Variants in TUBGCP5 observed in about 807,000 individuals in gnomAD.
The protein encoded by TUBGCP5 is tubulin gamma complex component 5.
A neutral mutation model predicts 134.7 loss-of-function variants in TUBGCP5; 98 were observed. The ratio of observed to expected loss-of-function variants is 0.73; its 90% CI spans 0.62 to 0.86. The LOEUF is 0.86. Ranked by LOEUF, TUBGCP5 falls within the 40% of genes least tolerant of loss-of-function variation. The pLI is 0.00. For missense variants in TUBGCP5, 1,150 were observed against 1,244.8 expected (o/e 0.92, Z 1.15); for synonymous variants, 456 against 431.4 (o/e 1.06, Z -0.71).
downstream of TUBGCP5, among the ~76,000 whole-genome samples, chr15:22,995,876 G>A (rs940141156): frequency 1.3e-5 from 2 of 152,128 alleles, no homozygotes; most frequent in Non-Finnish European, 2.9e-5. Flanking sequence ...CATGTAAATG[G>A]AATAATAACG....
chr15:23,005,974 T>C (rs2064690941), intron 18 of TUBGCP5, 78 bp downstream of exon 18: 3 of 1,433,878 alleles, frequency 2.1e-6, no homozygotes, highest in Non-Finnish European at 2.8e-6. Context: ...CCCGTATGCT[T>C]CCCTTTCCCA....
At chr15:22,992,302 C>T (rs531323141) in intron 23 of TUBGCP5, among the ~76,000 whole-genome samples, 37 of 152,208 alleles carry the variant, frequency 2.4e-4, no homozygotes, top group Admixed American at 1.5e-3. Context: ...CAAGAACTGA[C>T]GCAGGTTTAG....
chr15:23,000,121 G>A (rs1355798904), intron 22 of TUBGCP5, among the ~76,000 whole-genome samples: 2 of 152,046 alleles, frequency 1.3e-5, no homozygotes, highest in Admixed American at 1.3e-4. Context: ...ATGTAGGCCA[G>A]GCTGGTCTTC....
chr15:23,035,848 A>G (rs192989054), intron 3 of TUBGCP5, among the ~76,000 whole-genome samples: 75 of 152,332 alleles, frequency 4.9e-4, no homozygotes, highest in Non-Finnish European at 1.9e-4. Context: ...GATTCCCTCA[A>G]CAAACATGCA....
At chr15:22,994,610 A>G (rs144353928), downstream of TUBGCP5, among the ~76,000 whole-genome samples, 262 of 152,228 alleles carry the variant, frequency 1.7e-3, 3 homozygotes, top group African/African-American at 6.0e-3. Flanking sequence ...TCACCAGTTG[A>G]TGGTCATGTG....
chr15:22,998,904 A>T (rs1164208073), downstream of TUBGCP5, among the ~76,000 whole-genome samples: 1 of 152,174 alleles, frequency 6.6e-6, no homozygotes, highest in African/African-American at 2.4e-5. Context: ...GGGGTGAGCC[A>T]CCGTGCCCAG....
In TUBGCP5 at chr15:23,001,563, G is replaced by A. The variant is rs201261977; in HGVS notation, c.2928-894C>T. ...TCTCCATGTTGGTCAGGCTGGTCTCGAACTCCTGACCTCAGGAGATCCGCC... is the reference window on the plus strand; with the variant it reads ...TCTCCATGTTGGTCAGGCTGGTCTCAAACTCCTGACCTCAGGAGATCCGCC... On this transcript the variant is annotated intron_variant, in intron 21 of 22. Coordinates refer to ENST00000615383, the MANE Select transcript of TUBGCP5 (RefSeq NM_052903.6). Among the ~76,000 whole-genome samples, 24 of 151,890 alleles carry A rather than the reference G, an allele frequency of 1.6e-4. No homozygotes were observed. In the East Asian group the frequency reaches 1.9e-3, roughly 12 times the overall value.
At chr15:23,000,408 T>TA in intron 22 of TUBGCP5, 161 bp downstream of exon 22, 1 of 1,408,364 alleles carries the variant, frequency 7.1e-7, no homozygotes, top group Non-Finnish European at 9.2e-7. Context: ...CCGTAATGCT[T>TA]AAAAAGCAAT....
chr15:23,006,760 C>G (rs992070780), intron 16 of TUBGCP5, among the ~76,000 whole-genome samples: 2 of 152,072 alleles, frequency 1.3e-5, no homozygotes, highest in Non-Finnish European at 2.9e-5. Flanking sequence ...AGAGCCCCAT[C>G]GAGATGGGAT....
chr15:22,988,694 T>C (rs1443339514), intron 23 of TUBGCP5, among the ~76,000 whole-genome samples: 286 of 147,928 alleles, frequency 1.9e-3, no homozygotes, highest in Middle Eastern at 3.5e-3. Context: ...CGAGATCGCG[T>C]GACTGCACTC....
At chr15:22,997,178 T>G (rs1402663393), downstream of TUBGCP5, among the ~76,000 whole-genome samples, 1 of 151,678 alleles carries the variant, frequency 6.6e-6, no homozygotes, top group Non-Finnish European at 1.5e-5. Flanking sequence ...CACCAATAAT[T>G]CCTTTTTTTT....
Position 23,036,061 on chromosome 15 carries a change from T to C in TUBGCP5, c.309+836A>G, listed in dbSNP as rs756656104. ...GGGAAAGAACTATGTAGGCACAAGA[T>C]GTGTCACAGCAGAGCTAGGGAATGT... On this transcript the variant is annotated intron_variant, in intron 3 of 22. Transcript: ENST00000615383. Among the ~76,000 whole-genome samples, 81 of 152,336 alleles carry C rather than the reference T, an allele frequency of 5.3e-4. 1 individual carries two copies. Among genetic ancestry groups the C allele is most frequent in the Non-Finnish European group, 9.7e-4 (66 of 68,028 alleles).
chr15:23,039,280 G>A (rs1452050341), intron 1 of TUBGCP5, 118 bp downstream of exon 1: 3 of 1,154,934 alleles, frequency 2.6e-6, no homozygotes, highest in Non-Finnish European at 3.3e-6. Flanking sequence ...GCTCCCTGAG[G>A]CCGCGCCCGC....
intron 6 of TUBGCP5, among the ~76,000 whole-genome samples, chr15:23,029,966 G>A (rs566404748): frequency 2.8e-4 from 42 of 152,016 alleles, no homozygotes; most frequent in African/African-American, 8.9e-4. Flanking sequence ...ACGCAGAGGC[G>A]GAGTAATTGC....
chr15:23,003,632 GTTTTTTTTTTTTTTT>G lies in TUBGCP5; in HGVS notation c.2838+455_2838+469del, dbSNP rs531926227. Among the ~76,000 whole-genome samples, 3 of 88,670 alleles carry G rather than the reference GTTTTTTTTTTTTTTT, an allele frequency of 3.4e-5. No individual in the cohort carries two copies. The Admixed American group carries it at 4.8e-4, about 14-fold the overall frequency. 58.2% of individuals were successfully genotyped at this position (88,670 alleles called of 152,430 possible). On this transcript the variant is annotated intron_variant, in intron 20 of 22. Transcript: ENST00000615383. ...CTACGAATAGGGCACTCCTCCTTCT[GTTTTTTTTTTTTTTT>G]TTTTTTTTTTTTTTAAGAGACAAGG...
At chr15:23,003,305 G>A (rs1189423950) in intron 20 of TUBGCP5, 152 bp from the exon 21 acceptor site, 3 of 648,900 alleles carry the variant, frequency 4.6e-6, no homozygotes, top group African/African-American at 1.8e-5. Context: ...TCTGAACCAT[G>A]CCCATTTGGG....
chr15:22,996,533 C>T (rs371147538), downstream of TUBGCP5, among the ~76,000 whole-genome samples: 5 of 151,878 alleles, frequency 3.3e-5, no homozygotes, highest in South Asian at 4.2e-4. Flanking sequence ...TCACCCAGGC[C>T]GAAGGGCTGT....
At chr15:22,989,569 G>A (rs1447424193) in intron 23 of TUBGCP5, among the ~76,000 whole-genome samples, 3 of 152,054 alleles carry the variant, frequency 2.0e-5, no homozygotes, top group Non-Finnish European at 4.4e-5. Context: ...CTAGAGACAG[G>A]GTCTCACTTT....
chr15:23,022,272 G>T, intron 10 of TUBGCP5, 111 bp from the exon 11 acceptor site: 1 of 1,084,648 alleles, frequency 9.2e-7, no homozygotes, highest in Non-Finnish European at 1.4e-6. Context: ...GCAAAATGGA[G>T]GACGGTGGAT....
Sources: allele counts gnomAD v4.1 joint callset (sites outside exome capture counted in the v4.1 genomes callset), GRCh38; gene constraint gnomAD v4.1.1; transcripts MANE v1.5; gene names NCBI Gene and HGNC (gene_info 2026-07-23, HGNC 2026-07-21).